The following FAF1 variants were observed in gnomAD, a reference collection of about 807,000 sequenced individuals.
FAF1 encodes the protein FAS-associated factor 1.
Under a neutral mutation model 92.5 loss-of-function variants are expected in FAF1, and 25 were observed. The ratio of observed to expected loss-of-function variants is 0.27; its 90% CI spans 0.20 to 0.38. The LOEUF is 0.38. Ranked by LOEUF, FAF1 falls within the 10% of genes least tolerant of loss-of-function variation. The probability of loss-of-function intolerance (pLI) is 1.00; values close to 1 mark genes in which losing one functional copy is unlikely to be tolerated. For missense variants in FAF1, 636 were observed against 793.3 expected, an observed-to-expected ratio of 0.80 and a Z score of 2.38; for synonymous variants, 234 against 273.2, an observed-to-expected ratio of 0.86 and a Z score of 1.42.
At chr1:50,833,493 C>G (rs373008181) in intron 2 of FAF1, among the ~76,000 whole-genome samples, 7 of 152,272 alleles carry the variant, frequency 4.6e-5, no homozygotes, top group Middle Eastern at 3.4e-3. Flanking sequence ...TCTGGAAGCT[C>G]TCCAAATCCT....
In FAF1 at chr1:50,705,975, G is replaced by A. The variant is rs534538342; in HGVS notation, c.552-84C>T. 124 of 744,604 alleles carry A rather than the reference G, an allele frequency of 1.7e-4. 1 individual carries two copies. In the South Asian group the frequency reaches 1.9e-3, roughly 11 times the overall value. 46.1% of individuals were successfully genotyped at this position (744,604 alleles called of 1,614,324 possible). On this transcript the variant is annotated intron_variant, in intron 6 of 18. Coordinates refer to ENST00000396153, the MANE Select transcript of FAF1 (RefSeq NM_007051.3). ...ACAGCTAGCTGCAAAAACCCCAGGA[G>A]TACCCTAACCTCCACACAGGCATGT... is the stretch of plus-strand genomic sequence containing the variant.
At chr1:50,886,826 C>A (rs973063759) in intron 1 of FAF1, among the ~76,000 whole-genome samples, 1 of 152,226 alleles carries the variant, frequency 6.6e-6, no homozygotes, top group South Asian at 2.1e-4. Flanking sequence ...GTGAATAGTG[C>A]CGCAATAAAC....
Position 50,583,593 on chromosome 1 carries a change from G to C in FAF1, c.1031+59C>G. ...ACAATCTATAATTAAAATTGCCCAA[G>C]AAAAATCACAGTAGCATAAAACAGC... is the stretch of plus-strand genomic sequence containing the variant. On this transcript the variant is annotated intron_variant, in intron 11 of 18. Coordinates refer to ENST00000396153, the MANE Select transcript of FAF1 (RefSeq NM_007051.3). The surrounding 1 kb of genome is among the most constrained non-coding windows in gnomAD (Gnocchi z 4.2). The C allele has an allele frequency of 4.6e-6, 5 of 1,083,714 alleles. No individual in the cohort carries two copies. In the South Asian group the frequency reaches 9.6e-5, roughly 21 times the overall value. The allele number at this position is 1,083,714 out of a possible 1,614,324, so 67.1% of individuals were successfully genotyped here.
chr1:50,931,199 T>C (rs1249022351), intron 1 of FAF1, among the ~76,000 whole-genome samples: 1 of 152,248 alleles, frequency 6.6e-6, no homozygotes, highest in East Asian at 1.9e-4. Flanking sequence ...GTAAGTTTAC[T>C]ATCTTGGTTC....
chr1:50,959,847 C>T lies in FAF1; in HGVS notation c.-36G>A. The T allele has an allele frequency of 2.0e-6, 3 of 1,519,958 alleles. No homozygotes were observed. The highest frequency in any genetic ancestry group is 2.7e-6 in the Non-Finnish European group (3 of 1,125,976). 94.2% of individuals were successfully genotyped at this position (1,519,958 alleles called of 1,614,324 possible). A position where few individuals can be genotyped will look rare whatever the true frequency, so the allele number is the denominator to read the frequency against. ...GAGTTCCGCGGCTCCGGGAGCGAAG[C>T]GCGCACCTGGGAGGCAGACGGCACC... On this transcript the variant is annotated 5_prime_UTR_variant, in exon 1 of 19. Coordinates refer to ENST00000396153, the MANE Select transcript of FAF1 (RefSeq NM_007051.3).
At chr1:50,457,147 A>C (rs1403967778) in intron 18 of FAF1, among the ~76,000 whole-genome samples, 3 of 148,450 alleles carry the variant, frequency 2.0e-5, no homozygotes, top group Non-Finnish European at 4.5e-5. Context: ...AGAGGAGGGA[A>C]AGTGAAAAAA....
chr1:50,704,342 C>A (rs1350170833), intron 7 of FAF1, among the ~76,000 whole-genome samples: 3 of 152,102 alleles, frequency 2.0e-5, no homozygotes, highest in African/African-American at 7.2e-5. Flanking sequence ...GAAAAAAAGG[C>A]AAACTATATT....
At chr1:50,897,779 TTACTC>T (rs1175082612) in intron 1 of FAF1, among the ~76,000 whole-genome samples, 2 of 152,210 alleles carry the variant, frequency 1.3e-5, no homozygotes, top group African/African-American at 4.8e-5. Context: ...ACATATGACT[TTACTC>T]TATCAATGCA....
At chr1:50,857,182 A>G (rs1644396628) in intron 2 of FAF1, among the ~76,000 whole-genome samples, 1 of 151,890 alleles carries the variant, frequency 6.6e-6, no homozygotes, top group Non-Finnish European at 1.5e-5. Flanking sequence ...CACAGACACC[A>G]AGAGTTAATT....
In FAF1 at chr1:50,836,179, T is replaced by TTTTTTTTTTG. The variant is rs1215844614; in HGVS notation, c.114+21749_114+21750insCAAAAAAAAA. The stretch of plus-strand genomic sequence containing the variant: ...TTTGTTTTTTGTTTCTGTTTTTTTT[T>TTTTTTTTTTG]TTTTTTTTTTAGACAGGGTCTCATT... On this transcript the variant is annotated intron_variant, in intron 2 of 18. Transcript: ENST00000396153. Among the ~76,000 whole-genome samples the TTTTTTTTTTG allele has an allele frequency of 1.2e-4, 17 of 142,276 alleles. 1 individual carries two copies. In the East Asian group the frequency reaches 2.9e-3, roughly 25 times the overall value. The allele number at this position is 142,276 out of a possible 152,430, so 93.3% of individuals were successfully genotyped here.
intron 2 of FAF1, among the ~76,000 whole-genome samples, chr1:50,828,852 T>C (rs1456540742): frequency 6.6e-6 from 1 of 152,076 alleles, no homozygotes; most frequent in African/African-American, 2.4e-5. Flanking sequence ...TAAAGACTCA[T>C]TAAAAGGGCA....
chr1:50,850,717 T>C (rs1644341247), intron 2 of FAF1, among the ~76,000 whole-genome samples: 1 of 152,136 alleles, frequency 6.6e-6, no homozygotes, highest in Non-Finnish European at 1.5e-5. Context: ...ATGAACACTT[T>C]AATTAATATT....
chr1:50,775,095 G>A (rs1660907878), intron 4 of FAF1, among the ~76,000 whole-genome samples: 1 of 152,006 alleles, frequency 6.6e-6, no homozygotes, highest in African/African-American at 2.4e-5. Context: ...TATGTATACA[G>A]CTACAGAAAA....
chr1:50,662,683 C>CTTTTTT (rs58193277), intron 7 of FAF1, among the ~76,000 whole-genome samples: 1 of 77,578 alleles, frequency 1.3e-5, no homozygotes. Context: ...GAATTTGTAT[C>CTTTTTT]TTTTTTTTTT....
chr1:50,898,467 GA>G (rs1557580465), intron 1 of FAF1, among the ~76,000 whole-genome samples: 1 of 152,044 alleles, frequency 6.6e-6, no homozygotes, highest in Non-Finnish European at 1.5e-5. Flanking sequence ...GAAATCTCCA[GA>G]ATATATCCTT....
chr1:50,870,849 T>C (rs1354880653), intron 1 of FAF1, among the ~76,000 whole-genome samples: 1 of 152,196 alleles, frequency 6.6e-6, no homozygotes, highest in East Asian at 1.9e-4. Context: ...TCAAGTCATG[T>C]TTCTCATTTT....
chr1:50,872,804 G>A (rs1644538932), intron 1 of FAF1, among the ~76,000 whole-genome samples: 1 of 152,024 alleles, frequency 6.6e-6, no homozygotes, highest in African/African-American at 2.4e-5. Context: ...GGAGGCTGAG[G>A]CAGGAGAATC....
At chr1:50,768,537 T>C (rs989835592) in intron 4 of FAF1, among the ~76,000 whole-genome samples, 1 of 151,866 alleles carries the variant, frequency 6.6e-6, no homozygotes, top group Non-Finnish European at 1.5e-5. Flanking sequence ...TAATTGTCCA[T>C]AAAACAATCC....
intron 8 of FAF1, among the ~76,000 whole-genome samples, chr1:50,637,670 CACAT>C (rs1246008267): frequency 9.2e-6 from 1 of 108,126 alleles, no homozygotes; most frequent in Non-Finnish European, 2.0e-5. Flanking sequence ...CTGTGGCTCA[CACAT>C]ATATATATGT....
Sources: allele counts gnomAD v4.1 joint callset (sites outside exome capture counted in the v4.1 genomes callset), GRCh38; gene constraint gnomAD v4.1.1; non-coding constraint Gnocchi (gnomAD v3.1); transcripts MANE v1.5; gene names NCBI Gene and HGNC (gene_info 2026-07-23, HGNC 2026-07-21).